Variants in INSL6 observed in about 807,000 individuals in gnomAD.
The protein encoded by INSL6 is insulin-like peptide INSL6.
In INSL6, 16 loss-of-function variants were observed where a neutral mutation model predicts 9.4. The observed-to-expected ratio is 1.70, with a 90% CI of 1.15 to 2.59. The LOEUF is 2.59. INSL6 is among the 30% of genes most tolerant of loss of function. INSL6 has a pLI of 0.00. For missense variants in INSL6, 391 were observed against 257.3 expected, an observed-to-expected ratio of 1.52 and a Z score of -3.56; for synonymous variants, 154 against 96.9, an observed-to-expected ratio of 1.59 and a Z score of -3.46.
intron 2 of INSL6, among the ~76,000 whole-genome samples, chr9:5,144,870 G>A (rs1381441875): frequency 6.6e-6 from 1 of 152,142 alleles, no homozygotes; most frequent in African/African-American, 2.4e-5. Context: ...CTTTGCATGT[G>A]AGATGGGTCT....
chr9:5,172,792 G>A (rs932923073), intron 1 of INSL6, among the ~76,000 whole-genome samples: 4 of 152,060 alleles, frequency 2.6e-5, no homozygotes, highest in Non-Finnish European at 5.9e-5. Flanking sequence ...GCTGGGCGTG[G>A]TGGTGTGTGC....
chr9:5,084,045 TAATG>T, the INSL6 span, among the ~76,000 whole-genome samples: 1 of 152,170 alleles, frequency 6.6e-6, no homozygotes, highest in Admixed American at 6.5e-5. Flanking sequence ...AATTTTGAGT[TAATG>T]TTCTTTTGCT....
At chr9:5,151,376 T>C (rs1824710254) in intron 2 of INSL6, among the ~76,000 whole-genome samples, 1 of 152,086 alleles carries the variant, frequency 6.6e-6, no homozygotes, top group Non-Finnish European at 1.5e-5. Flanking sequence ...TGCGTGTACA[T>C]GGCAATAATC....
chr9:5,128,095 T>TGTGTGC (rs1824121140), intron 3 of INSL6: 1 of 231,418 alleles, frequency 4.3e-6, no homozygotes, highest in African/African-American at 2.2e-5. Flanking sequence ...TGTGTGTGTG[T>TGTGTGC]GTGTGTGTGT....
chr9:5,168,468 A>T (rs1158031933), intron 1 of INSL6, among the ~76,000 whole-genome samples: 1 of 152,198 alleles, frequency 6.6e-6, no homozygotes, highest in Non-Finnish European at 1.5e-5. Flanking sequence ...GACCAAGTGG[A>T]AGAAAAAATA....
At chr9:5,014,277 T>C in the INSL6 span, among the ~76,000 whole-genome samples, 13,386 of 151,786 alleles carry the variant, frequency 0.088, 1,735 homozygotes, top group African/African-American at 0.29. Context: ...GTGCAGGGAT[T>C]ACAGGTGTGA....
chr9:5,051,967 GA>G, the INSL6 span, among the ~76,000 whole-genome samples: 31 of 145,226 alleles, frequency 2.1e-4, no homozygotes, highest in South Asian at 4.4e-4. Context: ...AAGCCCAAAG[GA>G]AAAAAAAAAC....
intron 2 of INSL6, among the ~76,000 whole-genome samples, chr9:5,157,014 C>G (rs1586867185): frequency 6.6e-6 from 1 of 151,830 alleles, no homozygotes; most frequent in African/African-American, 2.4e-5. Flanking sequence ...AAGACTGTTT[C>G]AAAAAATAAA....
chr9:5,139,849 C>T (rs1329176775), intron 2 of INSL6, among the ~76,000 whole-genome samples: 1 of 152,154 alleles, frequency 6.6e-6, no homozygotes, highest in African/African-American at 2.4e-5. Flanking sequence ...AAACAAACCA[C>T]AAATTTTAAT....
At chr9:5,060,466 C>G in the INSL6 span, among the ~76,000 whole-genome samples, 1 of 152,216 alleles carries the variant, frequency 6.6e-6, no homozygotes, top group Non-Finnish European at 1.5e-5. Flanking sequence ...AAATCCTTTG[C>G]TGTCTTTTCA....
the INSL6 span, among the ~76,000 whole-genome samples, chr9:5,064,649 A>G: frequency 6.6e-6 from 1 of 152,252 alleles, no homozygotes; most frequent in African/African-American, 2.4e-5. Flanking sequence ...TGGAAAATAA[A>G]GTAAAATGAT....
At chr9:5,004,161 T>G in the INSL6 span, among the ~76,000 whole-genome samples, 4 of 152,154 alleles carry the variant, frequency 2.6e-5, no homozygotes, top group African/African-American at 9.6e-5. Context: ...AATCTACTCT[T>G]AGCAATTTTC....
At chr9:5,064,227 G>A in the INSL6 span, among the ~76,000 whole-genome samples, 1 of 151,978 alleles carries the variant, frequency 6.6e-6, no homozygotes, top group Non-Finnish European at 1.5e-5. Context: ...GAATACTTTA[G>A]CAGTATGTAA....
chr9:5,081,982 G>C, the INSL6 span: 1 of 813,830 alleles, frequency 1.2e-6, no homozygotes, highest in Non-Finnish European at 2.0e-6. Context: ...AAAAAGGTTT[G>C]GTTGTCAGAT....
At chr9:5,111,809 T>G in the INSL6 span, 2 of 421,588 alleles carry the variant, frequency 4.7e-6, no homozygotes, top group South Asian at 1.8e-5. Context: ...CGGAGCCACG[T>G]AGGCGGCGTC....
At chr9:5,064,013 G>A in the INSL6 span, among the ~76,000 whole-genome samples, 1 of 152,028 alleles carries the variant, frequency 6.6e-6, no homozygotes, top group Non-Finnish European at 1.5e-5. Flanking sequence ...AAAATTAGCC[G>A]GGCGTCTTGG....
intron 1 of INSL6, among the ~76,000 whole-genome samples, chr9:5,172,203 A>T (rs1344851681): frequency 2.6e-5 from 4 of 152,222 alleles, no homozygotes; most frequent in Non-Finnish European, 5.9e-5. Context: ...TGACCATCTG[A>T]TCTTGGACAA....
chr9:5,127,913 A>T (rs1288016111), intron 3 of INSL6: 2 of 232,364 alleles, frequency 8.6e-6, no homozygotes, highest in Non-Finnish European at 1.7e-5. Context: ...TATGCTTGTT[A>T]ATTTTATTCA....
chr9:5,025,787 C>T, the INSL6 span, among the ~76,000 whole-genome samples: 1 of 152,132 alleles, frequency 6.6e-6, no homozygotes, highest in Non-Finnish European at 1.5e-5. Context: ...CTGCCTCGGC[C>T]TCTCAAAGTG....
Sources: allele counts gnomAD v4.1 joint callset (sites outside exome capture counted in the v4.1 genomes callset), GRCh38; gene constraint gnomAD v4.1.1; transcripts MANE v1.5; gene names NCBI Gene and HGNC (gene_info 2026-07-23, HGNC 2026-07-21).